The following ZMYND11 variants were observed in gnomAD, a reference collection of about 807,000 sequenced individuals.
ZMYND11 encodes zinc finger MYND domain-containing protein 11.
Under a neutral mutation model 84.9 loss-of-function variants are expected in ZMYND11, and 9 were observed. The ratio of observed to expected loss-of-function variants is 0.11; its 90% confidence interval spans 0.06 to 0.18. ZMYND11 has a LOEUF of 0.18. ZMYND11 is among the 10% of genes least tolerant of loss of function. The pLI, the probability that ZMYND11 is intolerant of heterozygous loss-of-function variation, is 1.00. For synonymous variants in ZMYND11, 250 were observed against 244.1 expected (o/e 1.02, Z -0.23); for missense variants, 409 against 761.0 (o/e 0.54, Z 5.44).
intron 2 of ZMYND11, among the ~76,000 whole-genome samples, chr10:190,284 C>G (rs1430159330): frequency 6.6e-6 from 1 of 152,118 alleles, no homozygotes; most frequent in Non-Finnish European, 1.5e-5. Flanking sequence ...TGCTTTTCAA[C>G]AACATCATCA....
At chr10:202,854 C>G (rs570889337) in intron 2 of ZMYND11, among the ~76,000 whole-genome samples, 14 of 152,176 alleles carry the variant, frequency 9.2e-5, no homozygotes, top group African/African-American at 3.4e-4. Context: ...CAGACCTCTT[C>G]TTGTGTTGTG....
intron 14 of ZMYND11, among the ~76,000 whole-genome samples, chr10:251,690 C>G (rs1453504054): frequency 7.2e-5 from 11 of 152,182 alleles, no homozygotes; most frequent in Non-Finnish European, 1.5e-5. Flanking sequence ...CTTCTCTTCT[C>G]CCATGACCAA....
chr10:167,180 G>C (rs1224131928), intron 1 of ZMYND11, among the ~76,000 whole-genome samples: 1 of 152,078 alleles, frequency 6.6e-6, no homozygotes, highest in Non-Finnish European at 1.5e-5. Flanking sequence ...AAAACACTGG[G>C]AATGTAAAGT....
At chr10:159,693 G>T (rs1842549738) in intron 1 of ZMYND11, among the ~76,000 whole-genome samples, 2 of 152,136 alleles carry the variant, frequency 1.3e-5, no homozygotes, top group South Asian at 4.1e-4. Context: ...TATTCAATTT[G>T]TCACTTATAT....
At chr10:190,107 T>C (rs1939935449) in intron 2 of ZMYND11, among the ~76,000 whole-genome samples, 1 of 152,184 alleles carries the variant, frequency 6.6e-6, no homozygotes, top group Non-Finnish European at 1.5e-5. Context: ...AATGTAGAAA[T>C]GGTAAAAGTA....
At chr10:137,428 T>G (rs1258831519) in intron 1 of ZMYND11, among the ~76,000 whole-genome samples, 1 of 152,190 alleles carries the variant, frequency 6.6e-6, no homozygotes, top group African/African-American at 2.4e-5. Flanking sequence ...GGCAAGAACA[T>G]TCTTAAAAAT....
intron 4 of ZMYND11, among the ~76,000 whole-genome samples, chr10:224,412 G>A (rs1224851067): frequency 6.6e-6 from 1 of 152,126 alleles, no homozygotes; most frequent in Non-Finnish European, 1.5e-5. Context: ...TATGGACACA[G>A]TAGATTATTA....
chr10:209,003 A>ATGTG (rs572756224), intron 2 of ZMYND11, among the ~76,000 whole-genome samples: 5 of 150,628 alleles, frequency 3.3e-5, no homozygotes, highest in African/African-American at 1.2e-4. Context: ...ATTGACATTG[A>ATGTG]TGTGTGTGTG....
rs1032185041 is a variant in ZMYND11 at position 254,518 on chromosome 10, T to C, written c.*2048T>C. The C allele has an allele frequency of 6.5e-6, 1 of 152,690 alleles. No homozygotes were observed. The highest frequency in any genetic ancestry group is 1.5e-5 in the Non-Finnish European group (1 of 68,048). The allele number at this position is 152,690 out of a possible 1,614,324, so 9.5% of individuals were successfully genotyped here. A position where few individuals can be genotyped will look rare whatever the true frequency, so the allele number is the denominator to read the frequency against. On this transcript the variant is annotated 3_prime_UTR_variant, in exon 15 of 15. Transcript: ENST00000381604. ...TTAGCCACTATGCACATTGTAATTATTCATTGTGGCTGTCCAGTTCTATGA... is the reference window on the plus strand; with the variant it reads ...TTAGCCACTATGCACATTGTAATTACTCATTGTGGCTGTCCAGTTCTATGA...
intron 12 of ZMYND11, 117 bp from the exon 13 acceptor site, chr10:248,219 G>C: frequency 2.3e-6 from 3 of 1,312,712 alleles, no homozygotes; most frequent in Non-Finnish European, 3.1e-6. Flanking sequence ...TTTTTCAACA[G>C]CAGTTTATTC....
chr10:201,669 G>T (rs1176907608), intron 2 of ZMYND11, among the ~76,000 whole-genome samples: 1 of 151,066 alleles, frequency 6.6e-6, no homozygotes, highest in South Asian at 2.1e-4. Flanking sequence ...ATCATCTCAG[G>T]CCTGTGGCTT....
At chr10:187,082 A>G (rs1588763081) in intron 2 of ZMYND11, among the ~76,000 whole-genome samples, 1 of 152,084 alleles carries the variant, frequency 6.6e-6, no homozygotes, top group South Asian at 2.1e-4. Context: ...CTGAAAAATT[A>G]GCCAAGCATG....
upstream of ZMYND11, among the ~76,000 whole-genome samples, chr10:130,328 T>A (rs1281933969): frequency 6.6e-6 from 1 of 152,158 alleles, no homozygotes; most frequent in African/African-American, 2.4e-5. Context: ...GCACCTGCAA[T>A]TAATCAGGTA....
At chr10:225,068 A>C (rs933755342) in intron 4 of ZMYND11, among the ~76,000 whole-genome samples, 1 of 152,208 alleles carries the variant, frequency 6.6e-6, no homozygotes, top group Admixed American at 6.5e-5. Flanking sequence ...TTTTGTTTAC[A>C]AAAAAGAAAT....
At chr10:227,349 C>A (rs564238260) in intron 4 of ZMYND11, among the ~76,000 whole-genome samples, 6 of 152,182 alleles carry the variant, frequency 3.9e-5, no homozygotes, top group Admixed American at 6.5e-5. Context: ...AAAATGGACT[C>A]AGGAGTCTAT....
At chr10:195,201 G>C (rs1360841793) in intron 2 of ZMYND11, among the ~76,000 whole-genome samples, 2 of 152,194 alleles carry the variant, frequency 1.3e-5, no homozygotes, top group Non-Finnish European at 2.9e-5. Context: ...CTTTCAAGGA[G>C]GAGGGAGATT....
Position 254,105 on chromosome 10 carries a change from G to C in ZMYND11, c.*1635G>C, listed in dbSNP as rs942998014. On this transcript the variant is annotated 3_prime_UTR_variant, in exon 15 of 15. Transcript: ENST00000381604. Reference sequence around the variant, plus strand: ...TGTGTAATTAGTCAGTGTTGCCACAGTGTGTGGCGCTGATGGAGATGTCAG... The same window carrying C: ...TGTGTAATTAGTCAGTGTTGCCACACTGTGTGGCGCTGATGGAGATGTCAG... 3 of 152,554 alleles carry C rather than the reference G, an allele frequency of 2.0e-5. No individual in the cohort carries two copies. Among genetic ancestry groups the C allele is most frequent in the Admixed American group, 6.5e-5 (1 of 15,286 alleles). The allele number at this position is 152,554 out of a possible 1,614,324, so 9.5% of individuals were successfully genotyped here. A position where few individuals can be genotyped will look rare whatever the true frequency, so the allele number is the denominator to read the frequency against.
chr10:233,161 C>T (rs952492645), intron 4 of ZMYND11, among the ~76,000 whole-genome samples: 10 of 152,168 alleles, frequency 6.6e-5, no homozygotes, highest in Non-Finnish European at 8.8e-5. Context: ...ATCCCGCAGC[C>T]GATTGTATCA....
chr10:239,657 G>A, intron 7 of ZMYND11, 132 bp downstream of exon 7: 1 of 718,292 alleles, frequency 1.4e-6, no homozygotes, highest in Middle Eastern at 3.2e-4. Context: ...AGAGTATAAG[G>A]TTAGGAATAT....
Sources: gnomAD v4.1 joint callset for allele counts (sites outside exome capture counted in the v4.1 genomes callset) on GRCh38, gnomAD v4.1.1 for gene constraint, MANE v1.5 for transcripts, NCBI Gene and HGNC (gene_info 2026-07-23, HGNC 2026-07-21) for gene names.